The following ZNF106 variants were observed in gnomAD, a reference collection of about 807,000 sequenced individuals.
ZNF106 encodes zinc finger protein 106.
Under a neutral mutation model 195.1 loss-of-function variants are expected in ZNF106, and 67 were observed. The observed-to-expected ratio is 0.34, with a 90% CI of 0.28 to 0.42. The LOEUF (loss-of-function observed/expected upper bound fraction) is 0.42. Among genes scored for constraint, ZNF106 ranks in the 10% least tolerant of loss-of-function variants. The pLI, the probability that ZNF106 is intolerant of heterozygous loss-of-function variation, is 1.00. For synonymous variants in ZNF106, 784 were observed against 818.6 expected (o/e 0.96, Z 0.72); for missense variants, 2,118 against 2,304.5 (o/e 0.92, Z 1.66).
chr15:42,421,598 G>A (rs1238742294), intron 19 of ZNF106, among the ~76,000 whole-genome samples: 1 of 152,162 alleles, frequency 6.6e-6, no homozygotes, highest in Non-Finnish European at 1.5e-5. Flanking sequence ...TGCCACACTG[G>A]CCAAATCTCC....
chr15:42,467,631 T>C (rs1241038591), intron 2 of ZNF106, among the ~76,000 whole-genome samples: 1 of 150,338 alleles, frequency 6.7e-6, no homozygotes, highest in Non-Finnish European at 1.5e-5. Flanking sequence ...CTACTAAAAA[T>C]ACAAAATCCA....
chr15:42,460,042 C>CA lies in ZNF106; in HGVS notation c.117-2885dup, dbSNP rs1288163141. ...TGGGTGACAGAGTGAGACTTGGCCTCAAAAAAAAAAAAAAAGAAAATATTT... is the reference window on the plus strand; with the variant it reads ...TGGGTGACAGAGTGAGACTTGGCCTCAAAAAAAAAAAAAAAAGAAAATATTT... On this transcript the variant is annotated intron_variant, in intron 3 of 21. Coordinates refer to ENST00000564754, the MANE Select transcript of ZNF106 (RefSeq NM_001366845.3). Among the ~76,000 whole-genome samples, 474 of 91,224 alleles carry CA rather than the reference C, an allele frequency of 5.2e-3. 1 individual carries two copies. Among genetic ancestry groups the CA allele is most frequent in the South Asian group, 0.015 (44 of 2,870 alleles). 59.8% of individuals were successfully genotyped at this position (91,224 alleles called of 152,430 possible).
At chr15:42,445,648 G>C (rs748903309) in intron 7 of ZNF106, among the ~76,000 whole-genome samples, 16 of 152,158 alleles carry the variant, frequency 1.1e-4, no homozygotes, top group Non-Finnish European at 2.2e-4. Context: ...AAGAATCCCT[G>C]AGGGAATTCA....
chr15:42,462,709 G>T (rs76129310), intron 3 of ZNF106, among the ~76,000 whole-genome samples: 1 of 152,214 alleles, frequency 6.6e-6, no homozygotes, highest in Non-Finnish European at 1.5e-5. Flanking sequence ...GAGGGGAAAG[G>T]GGGGTGGAGA....
Position 42,415,285 on chromosome 15 carries a change from C to G in ZNF106, c.*2019G>C. On this transcript the variant is annotated 3_prime_UTR_variant, in exon 22 of 22. Transcript: ENST00000564754. ...TACAGGCACATACCACCACACCCAG[C>G]TAATTTTTGTATTTTTAATAGAGAC... is the stretch of plus-strand genomic sequence containing the variant. 2.8e-6 allele frequency: 1 copy of G among 355,436 alleles called. No individual in the cohort carries two copies. The highest frequency in any genetic ancestry group is 7.7e-5 in the East Asian group (1 of 12,906). 22.0% of individuals were successfully genotyped at this position (355,436 alleles called of 1,614,324 possible).
chr15:42,435,447 G>A lies in ZNF106; in HGVS notation c.4818C>T (p.Ser1606=), dbSNP rs560962242. 43 of 1,614,162 alleles carry A rather than the reference G, an allele frequency of 2.7e-5. No individual in the cohort carries two copies. Among genetic ancestry groups the A allele is most frequent in the African/African-American group, 2.4e-4 (18 of 75,022 alleles). Residue 1606 remains serine, a synonymous_variant, in exon 14 of 22, where the codon TCC becomes TCT. Coordinates refer to ENST00000564754, the MANE Select transcript of ZNF106 (RefSeq NM_001366845.3). ...CGGTGTAAAGGGCAGCATTCTTCCC[G>A]GAGGTCTGAGTAACCAGGAGGCAGT... ...KVNCLLVTQT[S]GKNAALYTGS...
chr15:42,466,929 T>C (rs1355776838), intron 2 of ZNF106, among the ~76,000 whole-genome samples: 3 of 151,890 alleles, frequency 2.0e-5, no homozygotes, highest in African/African-American at 4.8e-5. Context: ...AGTCAGGAGA[T>C]CGAGACCATC....
intron 3 of ZNF106, among the ~76,000 whole-genome samples, chr15:42,458,720 GA>G (rs879705408): frequency 6.1e-4 from 79 of 128,672 alleles, no homozygotes; most frequent in Admixed American, 1.6e-3. Context: ...AAAAACAAAA[GA>G]AAAAAAAAAA....
chr15:42,476,931 GTTAA>G (rs1567031818), intron 1 of ZNF106, among the ~76,000 whole-genome samples: 1 of 152,052 alleles, frequency 6.6e-6, no homozygotes, highest in African/African-American at 2.4e-5. Context: ...CAAAATATGT[GTTAA>G]TTAACTCATG....
Position 42,424,861 on chromosome 15 carries a change from G to GC in ZNF106, c.5162dup (p.His1722ProfsTer2). 6.2e-7 allele frequency: 1 copy of GC among 1,613,986 alleles called. No individual in the cohort carries two copies. On this transcript the variant is annotated frameshift_variant, in exon 16 of 22. Transcript: ENST00000564754. LOFTEE classifies it high-confidence loss of function. ...TCATGCAAAGAATGGTTTTGCTATG[G>GC]CCCTCCAGAGTTCTGAGGAGCAGTC... is the stretch of plus-strand genomic sequence containing the variant.
chr15:42,490,710 G>C (rs141462965), intron 1 of ZNF106, among the ~76,000 whole-genome samples: 317 of 152,296 alleles, frequency 2.1e-3, no homozygotes, highest in Non-Finnish European at 3.1e-3. Flanking sequence ...TTCCCCTAAA[G>C]GTCAAGGCTT....
rs1276648295 is a variant in ZNF106, at chr15:42,416,722, T to C, written c.*582A>G. 6.6e-6 allele frequency: 1 copy of C among 152,268 alleles called. No homozygotes were observed. Among genetic ancestry groups the C allele is most frequent in the Non-Finnish European group, 1.5e-5 (1 of 68,066 alleles). The allele number at this position is 152,268 out of a possible 1,614,324, so 9.4% of individuals were successfully genotyped here. On this transcript the variant is annotated 3_prime_UTR_variant, in exon 22 of 22. Coordinates refer to ENST00000564754, the MANE Select transcript of ZNF106 (RefSeq NM_001366845.3). ...GCCACTGTTTGTCAAAAATCTACTG[T>C]GTCCTTTAGCACTTAAAGCCAGCTC...
intron 3 of ZNF106, among the ~76,000 whole-genome samples, chr15:42,464,555 G>A (rs962224373): frequency 1.4e-5 from 2 of 142,028 alleles, no homozygotes; most frequent in African/African-American, 5.4e-5. Flanking sequence ...TTGATACAGG[G>A]TCTGGCTCTG....
rs747137773 is a variant in ZNF106, at chr15:42,439,819, T to C, written c.3764-6A>G. 6 of 1,506,732 alleles carry C rather than the reference T, an allele frequency of 4.0e-6. No homozygotes were observed. The South Asian group carries it at 6.8e-5, about 17-fold the overall frequency. The allele number at this position is 1,506,732 out of a possible 1,614,324, so 93.3% of individuals were successfully genotyped here. A position where few individuals can be genotyped will look rare whatever the true frequency, so the allele number is the denominator to read the frequency against. On this transcript the variant is annotated splice_region_variant and splice_polypyrimidine_tract_variant and intron_variant, in intron 10 of 21. Coordinates refer to ENST00000564754, the MANE Select transcript of ZNF106 (RefSeq NM_001366845.3). Reference sequence around the variant, plus strand: ...ACAACTGTCACTGATCTCTCCTGAATTGAGAGGAAAAAAATTATTGCATCC... The same window carrying C: ...ACAACTGTCACTGATCTCTCCTGAACTGAGAGGAAAAAAATTATTGCATCC...
Position 42,421,997 on chromosome 15 carries a change from G to GGA in ZNF106, c.5374-10_5374-9insTC, listed in dbSNP as rs1566994642. 7 of 1,258,812 alleles carry GGA rather than the reference G, an allele frequency of 5.6e-6. No individual in the cohort carries two copies. The highest frequency in any genetic ancestry group is 2.1e-4 in the Middle Eastern group (1 of 4,876). The allele number at this position is 1,258,812 out of a possible 1,614,324, so 78.0% of individuals were successfully genotyped here. A position where few individuals can be genotyped will look rare whatever the true frequency, so the allele number is the denominator to read the frequency against. ...TGTAATCGATCATGAGACTTAGGCA[G>GGA]AAAAAAAAAAAGAGAATTGAAGTTA... On this transcript the variant is annotated splice_polypyrimidine_tract_variant and intron_variant, in intron 18 of 21. Coordinates refer to ENST00000564754, the MANE Select transcript of ZNF106 (RefSeq NM_001366845.3).
At position 42,472,282 on chromosome 15, in the gene ZNF106, C is replaced by T. The variant is rs1225718664; in HGVS notation, c.8G>A (p.Arg3Gln). ...GTGGCATAATATGCATTTTCGTTCTCGTACCATAGTGACCAGATCTGAAGC... is the reference window on the plus strand; with the variant it reads ...GTGGCATAATATGCATTTTCGTTCTTGTACCATAGTGACCAGATCTGAAGC... The part of the protein sequence containing the change: MV[R>Q]ERKCILCHIV... The change falls in exon 2 of 22, where the codon CGA becomes CAA. Residue 3 changes from arginine to glutamine, a missense_variant. Arg to Gln is a conservative substitution (Grantham distance 43). Coordinates refer to ENST00000564754, the MANE Select transcript of ZNF106 (RefSeq NM_001366845.3). The T allele has an allele frequency of 3.3e-6, 5 of 1,535,696 alleles. 1 individual carries two copies. The South Asian group carries it at 3.6e-5, about 11-fold the overall frequency.
intron 14 of ZNF106, 32 bp from the exon 15 acceptor site, chr15:42,428,166 A>G (rs775603207): frequency 1.3e-6 from 2 of 1,581,706 alleles, no homozygotes; most frequent in Non-Finnish European, 1.7e-6. Context: ...TAATCAGCAG[A>G]GGGTACTGGC....
chr15:42,487,665 C>G (rs867864821), intron 1 of ZNF106, among the ~76,000 whole-genome samples: 2 of 151,968 alleles, frequency 1.3e-5, no homozygotes, highest in African/African-American at 4.8e-5. Flanking sequence ...CCATCTTAAC[C>G]ATTTAAGTGT....
intron 20 of ZNF106, among the ~76,000 whole-genome samples, chr15:42,420,562 G>A (rs925310449): frequency 2.6e-5 from 4 of 151,936 alleles, no homozygotes; most frequent in African/African-American, 9.7e-5. Context: ...AGGGTTTTAG[G>A]GAAAAGCTAC....
Sources: gnomAD v4.1 joint callset for allele counts (sites outside exome capture counted in the v4.1 genomes callset) on GRCh38, gnomAD v4.1.1 for gene constraint, MANE v1.5 for transcripts, NCBI Gene and HGNC (gene_info 2026-07-23, HGNC 2026-07-21) for gene names.